Variants in RASEF observed in about 807,000 individuals in gnomAD.
RASEF encodes the protein ras and EF-hand domain-containing protein.
Under a neutral mutation model 90.1 loss-of-function variants are expected in RASEF, and 68 were observed. The observed-to-expected ratio is 0.75, with a 90% CI of 0.62 to 0.92. The LOEUF is 0.92. RASEF is among the 40% of genes least tolerant of loss of function. The probability of loss-of-function intolerance (pLI) is 0.00; values close to 1 mark genes in which losing one functional copy is unlikely to be tolerated. For synonymous variants in RASEF, 331 were observed against 345.2 expected (o/e 0.96, Z 0.46); for missense variants, 949 against 937.2 (o/e 1.01, Z -0.16).
intron 1 of RASEF, chr9:83,049,306 T>TCAGC: frequency 9.1e-6 from 9 of 985,320 alleles, no homozygotes; most frequent in Non-Finnish European, 1.1e-5. Context: ...TTAGCAATAG[T>TCAGC]CAGCTAACCT....
intron 1 of RASEF, chr9:83,055,265 C>A (rs1238580126): frequency 6.4e-6 from 2 of 313,610 alleles, no homozygotes; most frequent in Admixed American, 4.6e-5. Flanking sequence ...TTTCTTAAGC[C>A]GGTCTGAAAA....
chr9:83,151,038 C>A, the RASEF span, among the ~76,000 whole-genome samples: 1 of 151,430 alleles, frequency 6.6e-6, no homozygotes, highest in Non-Finnish European at 1.5e-5. Context: ...TAATTTGAAG[C>A]TGGTATATTA....
At chr9:83,135,358 G>A in the RASEF span, among the ~76,000 whole-genome samples, 3 of 152,056 alleles carry the variant, frequency 2.0e-5, no homozygotes, top group African/African-American at 4.8e-5. Flanking sequence ...GGGGTGGGGG[G>A]AAGAGGGAGG....
the RASEF span, among the ~76,000 whole-genome samples, chr9:83,090,387 C>G: frequency 6.6e-6 from 1 of 151,750 alleles, no homozygotes; most frequent in East Asian, 1.9e-4. Flanking sequence ...CTTTCTTTCC[C>G]CTGTGTGTGT....
chr9:83,110,474 A>G, the RASEF span, among the ~76,000 whole-genome samples: 2 of 152,144 alleles, frequency 1.3e-5, no homozygotes, highest in Non-Finnish European at 2.9e-5. Context: ...CTAATATTAT[A>G]ATCTCTTGGC....
At chr9:83,195,285 A>G in the RASEF span, among the ~76,000 whole-genome samples, 2 of 152,300 alleles carry the variant, frequency 1.3e-5, no homozygotes, top group African/African-American at 4.8e-5. Context: ...GAAAGAGGAA[A>G]CTGAGTTTGC....
the RASEF span, among the ~76,000 whole-genome samples, chr9:83,215,695 T>A: frequency 6.6e-6 from 1 of 152,180 alleles, no homozygotes; most frequent in Non-Finnish European, 1.5e-5. Flanking sequence ...AGGGTGCTGC[T>A]GCAAAGGTAC....
At chr9:82,999,270 C>T (rs1274753894) in intron 12 of RASEF, among the ~76,000 whole-genome samples, 2 of 152,104 alleles carry the variant, frequency 1.3e-5, no homozygotes, top group Admixed American at 1.3e-4. Context: ...AGGTGGGTAA[C>T]GGATCATATA....
At chr9:82,996,613 G>T (rs557305096) in intron 14 of RASEF, among the ~76,000 whole-genome samples, 1 of 152,278 alleles carries the variant, frequency 6.6e-6, no homozygotes, top group East Asian at 1.9e-4. Flanking sequence ...TATCCAGGTG[G>T]TGTTTCACCT....
chr9:83,000,505 C>T lies in RASEF; in HGVS notation c.1503G>A (p.Lys501=). 1 of 1,613,852 alleles carries T rather than the reference C, an allele frequency of 6.2e-7. No homozygotes were observed. Among genetic ancestry groups the T allele is most frequent in the Non-Finnish European group, 8.5e-7 (1 of 1,179,764 alleles). The change falls in exon 11 of 17, where the codon AAG becomes AAA. Residue 501 remains lysine, a synonymous_variant. Coordinates refer to ENST00000376447, the MANE Select transcript of RASEF (RefSeq NM_152573.4). ...LEDVASVLDW[K]PQGSVSEGSI... The stretch of plus-strand genomic sequence containing the variant: ...TGCCTTCACTAACAGACCCTTGGGG[C>T]TTCCAGTCTAAGACGGAAGCCACAT...
chr9:83,027,924 A>C (rs1829576589), intron 1 of RASEF, among the ~76,000 whole-genome samples: 1 of 152,200 alleles, frequency 6.6e-6, no homozygotes, highest in Non-Finnish European at 1.5e-5. Context: ...TATATCAGAG[A>C]CTGCAATCTG....
chr9:83,031,977 A>C (rs1435504774), intron 1 of RASEF, among the ~76,000 whole-genome samples: 3 of 152,082 alleles, frequency 2.0e-5, no homozygotes, highest in African/African-American at 7.2e-5. Context: ...CTCACACCTG[A>C]TAGGAAAAGG....
rs751120620 is a variant in RASEF, at chr9:82,998,351, C to T, written c.1805+14G>A. On this transcript the variant is annotated intron_variant, in intron 13 of 16. Coordinates refer to ENST00000376447, the MANE Select transcript of RASEF (RefSeq NM_152573.4). ...AAACCCAGGATATCCCATAGCGCTG[C>T]GGAATGCACTTGCCTCTCCTGACCA... The T allele has an allele frequency of 1.2e-5, 19 of 1,579,352 alleles. No homozygotes were observed. The highest frequency in any genetic ancestry group is 1.7e-4 in the Middle Eastern group (1 of 6,006).
chr9:83,084,465 G>A, the RASEF span, among the ~76,000 whole-genome samples: 1 of 152,162 alleles, frequency 6.6e-6, no homozygotes, highest in East Asian at 1.9e-4. Context: ...GAATTAACCT[G>A]GAAAGGTCTC....
intron 1 of RASEF, among the ~76,000 whole-genome samples, chr9:83,026,300 G>A (rs17085970): frequency 0.017 from 2,653 of 152,116 alleles, 23 homozygotes; most frequent in Non-Finnish European, 0.026. Flanking sequence ...AGCCTTTATC[G>A]TCATAACAGT....
the RASEF span, among the ~76,000 whole-genome samples, chr9:83,085,736 C>A: frequency 6.6e-6 from 1 of 151,974 alleles, no homozygotes; most frequent in African/African-American, 2.4e-5. Flanking sequence ...ACCAGCCTGA[C>A]CAATATAGTG....
chr9:83,114,332 C>T, the RASEF span, among the ~76,000 whole-genome samples: 10 of 152,262 alleles, frequency 6.6e-5, no homozygotes, highest in East Asian at 1.9e-4. Flanking sequence ...CCGTCAACTT[C>T]GTAAGCAGAG....
chr9:83,167,829 G>A, the RASEF span, among the ~76,000 whole-genome samples: 1 of 152,114 alleles, frequency 6.6e-6, no homozygotes, highest in African/African-American at 2.4e-5. Flanking sequence ...GATTCATCAT[G>A]TATCAGTACT....
chr9:83,177,037 C>T, the RASEF span, among the ~76,000 whole-genome samples: 13 of 152,168 alleles, frequency 8.5e-5, no homozygotes, highest in South Asian at 2.7e-3. Flanking sequence ...ATTCCCATCA[C>T]CTTCTCTGTG....
Sources: gnomAD v4.1 joint callset for allele counts (sites outside exome capture counted in the v4.1 genomes callset) on GRCh38, gnomAD v4.1.1 for gene constraint, MANE v1.5 for transcripts, NCBI Gene and HGNC (gene_info 2026-07-23, HGNC 2026-07-21) for gene names.